Variants in SOCS4 observed in about 807,000 individuals in gnomAD.
The protein encoded by SOCS4 is suppressor of cytokine signaling 4.
Under a neutral mutation model 34.1 loss-of-function variants are expected in SOCS4, and 20 were observed. That is an observed-to-expected ratio of 0.59 (90% confidence interval 0.41 to 0.85). The LOEUF is 0.85. SOCS4 is among the 40% of genes least tolerant of loss of function. The pLI, the probability that SOCS4 is intolerant of heterozygous loss-of-function variation, is 0.00. For missense variants in SOCS4, 479 were observed against 532.4 expected (o/e 0.90, Z 0.99); for synonymous variants, 180 against 186.4 (o/e 0.97, Z 0.28).
chr14:55,030,446 T>A (rs8021004), intron 1 of SOCS4, among the ~76,000 whole-genome samples: 1 of 152,136 alleles, frequency 6.6e-6, no homozygotes, highest in Non-Finnish European at 1.5e-5. Context: ...CCTCCTTGAC[T>A]TCAGATTTCT....
intron 1 of SOCS4, among the ~76,000 whole-genome samples, chr14:55,028,563 T>C: frequency 6.6e-6 from 1 of 152,134 alleles, no homozygotes; most frequent in Non-Finnish European, 1.5e-5. Context: ...CGTGGTGAGA[T>C]TTCTGGTTAG....
At position 55,045,668 on chromosome 14, in the gene SOCS4, G is replaced by A. The variant is rs768867671; in HGVS notation, c.*1304G>A. 8.1e-4 allele frequency: 136 copies of A among 167,000 alleles called. 1 individual carries two copies. Among genetic ancestry groups the A allele is most frequent in the Middle Eastern group, 6.8e-3 (2 of 296 alleles). 10.3% of individuals were successfully genotyped at this position (167,000 alleles called of 1,614,324 possible). ...AAAGTAACTAGTAAAAATAAATGGA[G>A]TGGTATCCTATCTTCTTTTTTTAAG... On this transcript the variant is annotated 3_prime_UTR_variant, in exon 3 of 3. Coordinates refer to ENST00000555846, the MANE Select transcript of SOCS4 (RefSeq NM_199421.2).
intron 2 of SOCS4, among the ~76,000 whole-genome samples, chr14:55,036,314 G>A (rs1393950470): frequency 1.3e-5 from 2 of 151,584 alleles, no homozygotes; most frequent in African/African-American, 4.8e-5. Flanking sequence ...ATATGGAGGT[G>A]CCTGTCCTTT....
Position 55,044,913 on chromosome 14 carries a change from C to T in SOCS4, c.*549C>T, listed in dbSNP as rs117231976. On this transcript the variant is annotated 3_prime_UTR_variant, in exon 3 of 3. Transcript: ENST00000555846. ...TAATGTTATTGACTTTTGTAACTTA[C>T]TAATAGGGATGTTAAAAGTAACAAA... The T allele has an allele frequency of 2.4e-3, 402 of 167,006 alleles. No individual in the cohort carries two copies. Among genetic ancestry groups the T allele is most frequent in the Non-Finnish European group, 4.5e-3 (304 of 68,070 alleles). 10.3% of individuals were successfully genotyped at this position (167,006 alleles called of 1,614,324 possible).
chr14:55,041,493 CT>C lies in SOCS4; in HGVS notation c.-90-1458del, dbSNP rs891252593. ...CTGGCGTAAATCTTTTTTTTTTTTC[CT>C]CCAAGACAGAGTCTTGCTCTGTCAC... On this transcript the variant is annotated intron_variant, in intron 2 of 2. Coordinates refer to ENST00000555846, the MANE Select transcript of SOCS4 (RefSeq NM_199421.2). Among the ~76,000 whole-genome samples the C allele has an allele frequency of 2.1e-4, 31 of 150,110 alleles. 1 individual carries two copies. In the South Asian group the frequency reaches 2.5e-3, roughly 12 times the overall value.
chr14:55,033,089 A>G (rs2140243099), intron 2 of SOCS4, among the ~76,000 whole-genome samples: 1 of 152,168 alleles, frequency 6.6e-6, no homozygotes, highest in South Asian at 2.1e-4. Flanking sequence ...GCCCTATACA[A>G]AGTTTTTATA....
chr14:55,033,665 A>G (rs1300103319), intron 2 of SOCS4, among the ~76,000 whole-genome samples: 1 of 152,238 alleles, frequency 6.6e-6, no homozygotes, highest in East Asian at 1.9e-4. Context: ...GTTATTTTGT[A>G]AAAGAAAAAT....
At chr14:55,035,398 A>G (rs1378147614) in intron 2 of SOCS4, among the ~76,000 whole-genome samples, 3 of 152,190 alleles carry the variant, frequency 2.0e-5, no homozygotes, top group Non-Finnish European at 4.4e-5. Flanking sequence ...ATTTTTCTGT[A>G]ACTTCATGGT....
At chr14:55,032,293 T>C (rs1018879981) in intron 2 of SOCS4, among the ~76,000 whole-genome samples, 18 of 152,208 alleles carry the variant, frequency 1.2e-4, no homozygotes, top group African/African-American at 3.4e-4. Flanking sequence ...AATTGTTTCC[T>C]GTAGAAATTT....
At position 55,043,139 on chromosome 14, in the gene SOCS4, G is replaced by A. The variant is rs139180789; in HGVS notation, c.98G>A (p.Ser33Asn). ...GACAGAAAAGACGGTTATGTGTGGAGTGGAAAGAAGTTATCTTGGTCAAAA... is the reference window on the plus strand; with the variant it reads ...GACAGAAAAGACGGTTATGTGTGGAATGGAAAGAAGTTATCTTGGTCAAAA... ...SADRKDGYVW[S>N]GKKLSWSKKS... Residue 33 changes from serine to asparagine, a missense_variant, in exon 3 of 3, where the codon AGT (serine) becomes AAT (asparagine). Physicochemically the swap from Ser to Asn is conservative, Grantham distance 46 (BLOSUM62 1). Coordinates refer to ENST00000555846, the MANE Select transcript of SOCS4 (RefSeq NM_199421.2). 6.8e-6 allele frequency: 11 copies of A among 1,614,124 alleles called. No homozygotes were observed. Among genetic ancestry groups the A allele is most frequent in the Middle Eastern group, 3.3e-4 (2 of 6,084 alleles).
chr14:55,034,190 G>A, intron 2 of SOCS4, among the ~76,000 whole-genome samples: 1 of 152,120 alleles, frequency 6.6e-6, no homozygotes, highest in African/African-American at 2.4e-5. Context: ...GAAATGGAGA[G>A]GGCTGGCTGC....
At position 55,045,253 on chromosome 14, in the gene SOCS4, G is replaced by C. The variant is rs1438460214; in HGVS notation, c.*889G>C. The C allele has an allele frequency of 1.2e-5, 2 of 166,982 alleles. No homozygotes were observed. Among genetic ancestry groups the C allele is most frequent in the Non-Finnish European group, 2.9e-5 (2 of 68,054 alleles). 10.3% of individuals were successfully genotyped at this position (166,982 alleles called of 1,614,324 possible). ...GTGGGGTTTTTCTGTATTAGCTTATGAACTGTTGCTTCTACTTAGCCCTTT... is the reference window on the plus strand; with the variant it reads ...GTGGGGTTTTTCTGTATTAGCTTATCAACTGTTGCTTCTACTTAGCCCTTT... On this transcript the variant is annotated 3_prime_UTR_variant, in exon 3 of 3. Transcript: ENST00000555846.
chr14:55,047,310 A>G lies in SOCS4; in HGVS notation c.*2946A>G, dbSNP rs950189521. On this transcript the variant is annotated 3_prime_UTR_variant, in exon 3 of 3. Coordinates refer to ENST00000555846, the MANE Select transcript of SOCS4 (RefSeq NM_199421.2). ...ATCAGGAAATAAACTTGACTTTTCT[A>G]TTTTTCTCTGAAGCTTTACAGGACA... The G allele has an allele frequency of 1.1e-4, 18 of 166,976 alleles. No homozygotes were observed. The Admixed American group carries it at 1.1e-3, about 10-fold the overall frequency. 10.3% of individuals were successfully genotyped at this position (166,976 alleles called of 1,614,324 possible).
At chr14:55,038,538 C>G (rs188647116) in intron 2 of SOCS4, among the ~76,000 whole-genome samples, 2 of 152,322 alleles carry the variant, frequency 1.3e-5, no homozygotes, top group African/African-American at 4.8e-5. Flanking sequence ...AGGTATAAAT[C>G]TAGCTGCTGG....
chr14:55,032,143 T>C (rs2042534190), intron 2 of SOCS4, 152 bp downstream of exon 2: 1 of 152,212 alleles, frequency 6.6e-6, no homozygotes, highest in South Asian at 2.1e-4. Flanking sequence ...TTAGTTGTGG[T>C]GTTAGATGTA....
chr14:55,033,287 G>C (rs1178565191), intron 2 of SOCS4, among the ~76,000 whole-genome samples: 1 of 151,896 alleles, frequency 6.6e-6, no homozygotes, highest in Non-Finnish European at 1.5e-5. Flanking sequence ...TATTTTTATT[G>C]AAAGCAACAT....
At position 55,043,923 on chromosome 14, in the gene SOCS4, C is replaced by T. The variant is rs536008211; in HGVS notation, c.882C>T (p.Tyr294=). 2.4e-5 allele frequency: 39 copies of T among 1,614,130 alleles called. No homozygotes were observed. Among genetic ancestry groups the T allele is most frequent in the East Asian group, 6.7e-5 (3 of 44,882 alleles). The change falls in exon 3 of 3, where the codon TAC becomes TAT. Residue 294 remains tyrosine (Y), a synonymous_variant. Coordinates refer to ENST00000555846, the MANE Select transcript of SOCS4 (RefSeq NM_199421.2). The part of the protein sequence containing the change: ...NPCYWGVMDK[Y]AAEALLEGKP... ...GTTACTGGGGAGTGATGGATAAATA[C>T]GCAGCCGAAGCACTACTGGAAGGAA...
At position 55,038,922 on chromosome 14, in the gene SOCS4, A is replaced by G. The variant is rs886395773; in HGVS notation, c.-90-4030A>G. 6.6e-5 allele frequency among the ~76,000 whole-genome samples: 10 copies of G among 152,144 alleles called. No homozygotes were observed. The East Asian group carries it at 1.9e-3, about 29-fold the overall frequency. ...TCTGCTGCTGAGTCAGTTATTGTTC[A>G]TTTGTTTTCTGTACTTCTATTTTAT... is the stretch of plus-strand genomic sequence containing the variant. On this transcript the variant is annotated intron_variant, in intron 2 of 2. Coordinates refer to ENST00000555846, the MANE Select transcript of SOCS4 (RefSeq NM_199421.2).
intron 2 of SOCS4, among the ~76,000 whole-genome samples, chr14:55,033,349 GATT>G (rs1013602115): frequency 1.1e-4 from 16 of 152,258 alleles, no homozygotes; most frequent in African/African-American, 3.6e-4. Flanking sequence ...TTCTGGAAGA[GATT>G]AGAAAATTCT....
Sources: gnomAD v4.1 joint callset for allele counts (sites outside exome capture counted in the v4.1 genomes callset) on GRCh38, gnomAD v4.1.1 for gene constraint, MANE v1.5 for transcripts, NCBI Gene and HGNC (gene_info 2026-07-23, HGNC 2026-07-21) for gene names.